Variants in GTF2H1 observed in about 807,000 individuals in gnomAD.
GTF2H1 encodes the protein BTF2 p62.
Under a neutral mutation model 71.2 loss-of-function variants are expected in GTF2H1, and 16 were observed. That is an observed-to-expected ratio of 0.22 (90% CI 0.15 to 0.34). GTF2H1 has a LOEUF of 0.34. Among genes scored for constraint, GTF2H1 ranks in the 10% least tolerant of loss-of-function variants. The pLI is 1.00. For synonymous variants in GTF2H1, 215 were observed against 219.0 expected (o/e 0.98, Z 0.16); for missense variants, 498 against 648.2 (o/e 0.77, Z 2.52).
At chr11:18,351,219 T>A (rs919665963) in intron 9 of GTF2H1, among the ~76,000 whole-genome samples, 2 of 147,618 alleles carry the variant, frequency 1.4e-5, no homozygotes, top group African/African-American at 2.6e-5. Flanking sequence ...GGTGGTGATA[T>A]GCGCCTAGAA....
intron 5 of GTF2H1, among the ~76,000 whole-genome samples, chr11:18,340,351 GA>G (rs1242526900): frequency 6.6e-6 from 1 of 151,732 alleles, no homozygotes; most frequent in Non-Finnish European, 1.5e-5. Flanking sequence ...GCAGTGGCGC[GA>G]TCTTGGCTCA....
In GTF2H1 at chr11:18,330,414, C is replaced by T. The variant is rs183129029; in HGVS notation, c.-15-2646C>T. On this transcript the variant is annotated intron_variant, in intron 1 of 14. Coordinates refer to ENST00000265963, the MANE Select transcript of GTF2H1 (RefSeq NM_005316.4). ...AACGTGCAGATTAGCAAGCGGAGAG[C>T]TGACTGCAAGGAGACAAAAGCTTCC... Among the ~76,000 whole-genome samples the T allele has an allele frequency of 2.6e-3, 399 of 152,340 alleles. 2 individuals are homozygous for T. The highest frequency in any genetic ancestry group is 9.4e-3 in the African/African-American group (389 of 41,578).
Position 18,353,525 on chromosome 11 carries a change from G to GA in GTF2H1, c.1260+1081dup, listed in dbSNP as rs540869109. ...CTTCGGCTTATGCTCTTTCTCTTTA[G>GA]AATTCCCTTAGCCCTGTTTCTCCCC... On this transcript the variant is annotated intron_variant, in intron 11 of 14. Coordinates refer to ENST00000265963, the MANE Select transcript of GTF2H1 (RefSeq NM_005316.4). Among the ~76,000 whole-genome samples, 45 of 152,260 alleles carry GA rather than the reference G, an allele frequency of 3.0e-4. No homozygotes were observed. The South Asian group carries it at 7.3e-3, about 25-fold the overall frequency.
At chr11:18,364,593 A>G (rs569033501) in intron 14 of GTF2H1, among the ~76,000 whole-genome samples, 1 of 152,320 alleles carries the variant, frequency 6.6e-6, no homozygotes, top group East Asian at 1.9e-4. Context: ...CCATGTCTCA[A>G]AAAAATAAAA....
chr11:18,344,667 C>T (rs1377875384), intron 7 of GTF2H1, among the ~76,000 whole-genome samples: 1 of 151,386 alleles, frequency 6.6e-6, no homozygotes, highest in African/African-American at 2.4e-5. Flanking sequence ...TCCTAATAAT[C>T]CCCTATGTGA....
intron 1 of GTF2H1, among the ~76,000 whole-genome samples, chr11:18,331,983 C>T (rs1429836831): frequency 1.3e-5 from 2 of 152,122 alleles, no homozygotes; most frequent in African/African-American, 4.8e-5. Context: ...CTTTGGCCTC[C>T]CAAAGTAATT....
intron 5 of GTF2H1, among the ~76,000 whole-genome samples, chr11:18,340,147 C>T (rs918983231): frequency 1.3e-5 from 2 of 152,154 alleles, no homozygotes; most frequent in African/African-American, 2.4e-5. Flanking sequence ...TCAAGCATCA[C>T]CTCCTTGCCA....
At chr11:18,330,180 G>A (rs1038461363) in intron 1 of GTF2H1, among the ~76,000 whole-genome samples, 1 of 152,128 alleles carries the variant, frequency 6.6e-6, no homozygotes, top group Non-Finnish European at 1.5e-5. Context: ...AAAATTCTGT[G>A]GCAAACATTT....
At chr11:18,324,854 C>T (rs780726158) in intron 1 of GTF2H1, among the ~76,000 whole-genome samples, 1 of 152,160 alleles carries the variant, frequency 6.6e-6, no homozygotes, top group African/African-American at 2.4e-5. Flanking sequence ...GCATCTCTGT[C>T]GCATTTTCCT....
At chr11:18,357,715 A>C (rs925156464) in intron 11 of GTF2H1, among the ~76,000 whole-genome samples, 4 of 152,178 alleles carry the variant, frequency 2.6e-5, no homozygotes, top group African/African-American at 4.8e-5. Context: ...GGGAGTTTTG[A>C]GGTCCCTGTG....
intron 9 of GTF2H1, among the ~76,000 whole-genome samples, chr11:18,349,635 A>T (rs993240351): frequency 6.6e-6 from 1 of 152,220 alleles, no homozygotes; most frequent in African/African-American, 2.4e-5. Context: ...GTGAGCTGGG[A>T]TCGCGTCGCT....
intron 14 of GTF2H1, among the ~76,000 whole-genome samples, chr11:18,360,972 ATTTTTG>A: frequency 6.6e-6 from 1 of 151,648 alleles, no homozygotes; most frequent in Non-Finnish European, 1.5e-5. Context: ...CGCCCAGCTA[ATTTTTG>A]TATTTTAGTA....
At chr11:18,354,914 T>TC (rs1865507435) in intron 11 of GTF2H1, among the ~76,000 whole-genome samples, 2 of 151,862 alleles carry the variant, frequency 1.3e-5, no homozygotes, top group Admixed American at 6.6e-5. Context: ...GCTCAAGCGA[T>TC]CCTCCCACCT....
intron 9 of GTF2H1, among the ~76,000 whole-genome samples, chr11:18,350,318 A>C (rs1865395091): frequency 6.6e-6 from 1 of 152,186 alleles, no homozygotes; most frequent in Non-Finnish European, 1.5e-5. Flanking sequence ...GAGCTTGGGT[A>C]GGGACATGTC....
At chr11:18,364,793 C>T (rs1463040634) in intron 14 of GTF2H1, among the ~76,000 whole-genome samples, 2 of 152,002 alleles carry the variant, frequency 1.3e-5, no homozygotes, top group Non-Finnish European at 2.9e-5. Flanking sequence ...TTGGAAAAAC[C>T]CTAAAAATAG....
At chr11:18,348,549 T>A (rs1161346722) in intron 9 of GTF2H1, 1 of 152,358 alleles carries the variant, frequency 6.6e-6, no homozygotes, top group African/African-American at 2.4e-5. Context: ...GGACATTTAT[T>A]TCTTAAGAAA....
intron 14 of GTF2H1, among the ~76,000 whole-genome samples, chr11:18,365,514 T>C (rs1865801998): frequency 1.3e-5 from 2 of 152,198 alleles, no homozygotes; most frequent in African/African-American, 4.8e-5. Context: ...TGGAGCACAA[T>C]TGTGACTTTC....
In GTF2H1 at chr11:18,335,841, A is replaced by G. The variant is rs757607313; in HGVS notation, c.242A>G (p.Asn81Ser). 3.3e-5 allele frequency: 54 copies of G among 1,613,996 alleles called. No homozygotes were observed. The East Asian group carries it at 4.2e-4, about 13-fold the overall frequency. The change falls in exon 3 of 15, where the codon AAT (asparagine) becomes AGT (serine). Residue 81 changes from asparagine to serine, a missense_variant. Physicochemically the swap from Asn to Ser is conservative, Grantham distance 46. Coordinates refer to ENST00000265963, the MANE Select transcript of GTF2H1 (RefSeq NM_005316.4). Reference sequence around the variant, plus strand: ...GACACAACTAACTTCCATTTTTCCAATGAAAGCACAGCAGTGAAAGAGCGA... The same window carrying G: ...GACACAACTAACTTCCATTTTTCCAGTGAAAGCACAGCAGTGAAAGAGCGA... ...AGDTTNFHFS[N>S]ESTAVKERDA...
intron 5 of GTF2H1, among the ~76,000 whole-genome samples, chr11:18,340,841 A>G (rs1051955611): frequency 2.6e-5 from 4 of 152,002 alleles, no homozygotes; most frequent in Non-Finnish European, 5.9e-5. Context: ...ATGCTGTTGA[A>G]CTCTATGCTT....
Sources: gnomAD v4.1 joint callset for allele counts (sites outside exome capture counted in the v4.1 genomes callset) on GRCh38, gnomAD v4.1.1 for gene constraint, MANE v1.5 for transcripts, NCBI Gene and HGNC (gene_info 2026-07-23, HGNC 2026-07-21) for gene names.